FKBP9: variants seen among roughly 807,000 people sequenced by gnomAD.
The protein encoded by FKBP9 is peptidyl-prolyl cis-trans isomerase FKBP9.
In FKBP9, 27 loss-of-function variants were observed where a neutral mutation model predicts 55.6. The ratio of observed to expected loss-of-function variants is 0.49; its 90% CI spans 0.36 to 0.67. The LOEUF (loss-of-function observed/expected upper bound fraction) is 0.67, where lower values mean the gene tolerates loss of function less well. Among genes scored for constraint, FKBP9 ranks in the 30% least tolerant of loss-of-function variants. FKBP9 has a pLI of 0.00. For synonymous variants in FKBP9, 267 were observed against 296.5 expected (o/e 0.90, Z 1.02); for missense variants, 539 against 742.8 (o/e 0.73, Z 3.19).
intron 5 of FKBP9, 62 bp downstream of exon 5, chr7:32,980,615 G>A (rs1784457982): frequency 6.4e-7 from 1 of 1,572,220 alleles, no homozygotes. Flanking sequence ...TCTGCCATTG[G>A]CTGGACCATG....
intron 4 of FKBP9, among the ~76,000 whole-genome samples, chr7:32,978,470 G>A (rs1350644796): frequency 1.3e-5 from 2 of 152,058 alleles, no homozygotes; most frequent in African/African-American, 4.8e-5. Flanking sequence ...TGATCCTCCT[G>A]CCTCAGCCTT....
At chr7:32,995,542 A>G (rs1022489492) in intron 6 of FKBP9, among the ~76,000 whole-genome samples, 2 of 152,222 alleles carry the variant, frequency 1.3e-5, no homozygotes, top group African/African-American at 4.8e-5. Flanking sequence ...AACATTATTC[A>G]GATGTGAGCT....
rs997646625 is a variant in FKBP9 at position 33,005,881 on chromosome 7, G to A, written c.*530G>A. 3 of 233,254 alleles carry A rather than the reference G, an allele frequency of 1.3e-5. No individual in the cohort carries two copies. Among genetic ancestry groups the A allele is most frequent in the African/African-American group, 4.4e-5 (2 of 45,180 alleles). 14.4% of individuals were successfully genotyped at this position (233,254 alleles called of 1,614,324 possible). The stretch of plus-strand genomic sequence containing the variant: ...AGCAGCCTGTGCAAATTCTGATGAT[G>A]GCCCCACCCCCGCACACGCACACGC... On this transcript the variant is annotated 3_prime_UTR_variant, in exon 10 of 10. Coordinates refer to ENST00000242209, the MANE Select transcript of FKBP9 (RefSeq NM_007270.5).
At chr7:32,969,761 G>A (rs556919315) in intron 1 of FKBP9, among the ~76,000 whole-genome samples, 52 of 152,244 alleles carry the variant, frequency 3.4e-4, no homozygotes, top group African/African-American at 1.1e-3. Flanking sequence ...CCAGCACTTT[G>A]GGAGGCCGAG....
intron 1 of FKBP9, among the ~76,000 whole-genome samples, chr7:32,973,084 A>G (rs1373509513): frequency 1.3e-5 from 2 of 152,190 alleles, no homozygotes; most frequent in African/African-American, 4.8e-5. Context: ...AAAATCTGTT[A>G]TAAAATGCCA....
At chr7:32,969,050 A>C (rs1336628457) in intron 1 of FKBP9, among the ~76,000 whole-genome samples, 1 of 152,166 alleles carries the variant, frequency 6.6e-6, no homozygotes, top group Non-Finnish European at 1.5e-5. Context: ...TCTTTTTTGG[A>C]GAAATATTCA....
chr7:33,000,788 T>G (rs1395714917), intron 8 of FKBP9, among the ~76,000 whole-genome samples: 1 of 151,390 alleles, frequency 6.6e-6, no homozygotes, highest in South Asian at 2.1e-4. Flanking sequence ...TCAATAACTT[T>G]TTTTTTTTCA....
In FKBP9 at chr7:32,977,870, C is replaced by CATGTATATATATATATATATAT. The variant is rs780985630; in HGVS notation, c.703+1373_703+1374insGTATATATATATATATATATAT. On this transcript the variant is annotated intron_variant, in intron 4 of 9. Transcript: ENST00000242209. ...ACACTCATATATATATATACATGCCCATATATATATATGTATATATACACT... is the reference window on the plus strand; with the variant it reads ...ACACTCATATATATATATACATGCCCATGTATATATATATATATATATATATATATATATGTATATATACACT... 1.4e-3 allele frequency among the ~76,000 whole-genome samples: 180 copies of CATGTATATATATATATATATAT among 124,618 alleles called. 1 individual carries two copies. The highest frequency in any genetic ancestry group is 6.0e-3 in the East Asian group (24 of 4,024). 81.8% of individuals were successfully genotyped at this position (124,618 alleles called of 152,430 possible). A position where few individuals can be genotyped will look rare whatever the true frequency, so the allele number is the denominator to read the frequency against.
chr7:32,997,611 C>T (rs189652652), intron 7 of FKBP9, among the ~76,000 whole-genome samples: 1,896 of 152,270 alleles, frequency 0.012, 45 homozygotes, highest in African/African-American at 0.043. Context: ...GGGCAGATCA[C>T]GAGGTCAAGA....
chr7:32,988,465 G>A lies in FKBP9; in HGVS notation c.894-42G>A, dbSNP rs773945467. 3.7e-5 allele frequency: 59 copies of A among 1,608,304 alleles called. No homozygotes were observed. In the East Asian group the frequency reaches 1.1e-3, roughly 29 times the overall value. ...ACTAATTTGCACAGCTGCTGTGGAG[G>A]CCCTCATGAATGACCTCTTTCTTTC... On this transcript the variant is annotated intron_variant, in intron 5 of 9. Coordinates refer to ENST00000242209, the MANE Select transcript of FKBP9 (RefSeq NM_007270.5).
chr7:32,988,152 C>G (rs949118804), intron 5 of FKBP9, among the ~76,000 whole-genome samples: 1 of 152,108 alleles, frequency 6.6e-6, no homozygotes, highest in Non-Finnish European at 1.5e-5. Context: ...CCACTGCACA[C>G]CAGCCTGGGT....
At chr7:32,965,826 T>TATATATATGTATACAC (rs1554284319) in intron 1 of FKBP9, among the ~76,000 whole-genome samples, 1 of 33,294 alleles carries the variant, frequency 3.0e-5, no homozygotes, top group Non-Finnish European at 5.7e-5. Context: ...TATATATATA[T>TATATATATGTATACAC]ATATATATAT....
At chr7:32,968,635 T>C (rs1454275129) in intron 1 of FKBP9, among the ~76,000 whole-genome samples, 1 of 151,808 alleles carries the variant, frequency 6.6e-6, no homozygotes, top group Non-Finnish European at 1.5e-5. Flanking sequence ...TGCAATGGTG[T>C]GATCTTAGCT....
chr7:32,992,291 C>T (rs1784699891), intron 6 of FKBP9, among the ~76,000 whole-genome samples: 1 of 146,720 alleles, frequency 6.8e-6, no homozygotes, highest in African/African-American at 2.5e-5. Context: ...AGAGGAAACC[C>T]ACCCCCCTCA....
chr7:33,003,263 A>G (rs1463502993), intron 9 of FKBP9, among the ~76,000 whole-genome samples: 1 of 152,160 alleles, frequency 6.6e-6, no homozygotes, highest in Non-Finnish European at 1.5e-5. Context: ...CCTCTTTGTG[A>G]AGCTGGGCAA....
At chr7:32,988,834 T>G in intron 6 of FKBP9, 182 bp downstream of exon 6, 1 of 589,378 alleles carries the variant, frequency 1.7e-6, no homozygotes, top group Non-Finnish European at 2.9e-6. Flanking sequence ...CCTCAAGTGA[T>G]CCTCTTGCCT....
At chr7:32,994,250 C>G in intron 6 of FKBP9, among the ~76,000 whole-genome samples, 1 of 152,194 alleles carries the variant, frequency 6.6e-6, no homozygotes, top group East Asian at 1.9e-4. Context: ...CTGTCCTCAT[C>G]CATCCACTTC....
At chr7:32,965,720 C>T (rs533766365) in intron 1 of FKBP9, among the ~76,000 whole-genome samples, 48 of 143,046 alleles carry the variant, frequency 3.4e-4, no homozygotes, top group Non-Finnish European at 5.6e-4. Flanking sequence ...ATTGCTTGAA[C>T]CCGGGAGGTG....
chr7:32,963,790 T>A lies in FKBP9; in HGVS notation c.221+5996T>A, dbSNP rs138528945. On this transcript the variant is annotated intron_variant, in intron 1 of 9. Transcript: ENST00000242209. ...GAGTGCTCCAATAAGCTCCCCATGC[T>A]GCACACATGACCTCTGGGATCCAGC... 2,267 of 1,261,912 alleles carry A rather than the reference T, an allele frequency of 1.8e-3. 41 individuals are homozygous for A. In the African/African-American group the frequency reaches 0.032, roughly 18 times the overall value. The allele number at this position is 1,261,912 out of a possible 1,614,324, so 78.2% of individuals were successfully genotyped here. A position where few individuals can be genotyped will look rare whatever the true frequency, so the allele number is the denominator to read the frequency against.
Sources: allele counts gnomAD v4.1 joint callset (sites outside exome capture counted in the v4.1 genomes callset), GRCh38; gene constraint gnomAD v4.1.1; transcripts MANE v1.5; gene names NCBI Gene and HGNC (gene_info 2026-07-23, HGNC 2026-07-21).